KAZN: variants seen among roughly 807,000 people sequenced by gnomAD.
The protein encoded by KAZN is kazrin, periplakin interacting protein, also known as kazrin.
KAZN carries 40 observed loss-of-function variants against 87.4 expected under a neutral mutation model. The observed-to-expected ratio is 0.46, with a 90% confidence interval of 0.36 to 0.60. KAZN has a LOEUF of 0.60. KAZN is among the 20% of genes least tolerant of loss of function. The pLI is 0.00. For synonymous variants in KAZN, 466 were observed against 458.3 expected, an observed-to-expected ratio of 1.02 and a Z score of -0.22; for missense variants, 898 against 1,073.9, an observed-to-expected ratio of 0.84 and a Z score of 2.29.
chr1:14,318,374 T>C (rs1278586854), intron 2 of KAZN, among the ~76,000 whole-genome samples: 1 of 152,094 alleles, frequency 6.6e-6, no homozygotes, highest in East Asian at 1.9e-4. Context: ...AAATATTACT[T>C]CATTTTCTTC....
chr1:14,488,070 T>A lies in KAZN; in HGVS notation c.250-110913T>A, dbSNP rs151213436. ...CACAATATCCTAGCATATTGGATGC[T>A]CAGCAAGTATTCATTAAACTAATAA... is the stretch of plus-strand genomic sequence containing the variant. On this transcript the variant is annotated intron_variant, in intron 2 of 16. Transcript: ENST00000636203. 7.1e-3 allele frequency among the ~76,000 whole-genome samples: 1,081 copies of A among 152,292 alleles called. 9 individuals are homozygous for A. The highest frequency in any genetic ancestry group is 0.033 in the South Asian group (161 of 4,820).
intron 3 of KAZN, among the ~76,000 whole-genome samples, chr1:15,041,153 G>A (rs943497284): frequency 1.3e-5 from 2 of 149,452 alleles, no homozygotes; most frequent in Non-Finnish European, 1.5e-5. Context: ...GTAGAGATGG[G>A]GTTTCACCAT....
intron 1 of KAZN, among the ~76,000 whole-genome samples, chr1:14,780,213 C>A (rs1317802345): frequency 1.3e-5 from 2 of 152,232 alleles, no homozygotes; most frequent in African/African-American, 4.8e-5. Flanking sequence ...CCGATCTTTG[C>A]TCTCTGTGCA....
At chr1:14,559,283 A>G (rs1674106438) in intron 2 of KAZN, among the ~76,000 whole-genome samples, 1 of 152,250 alleles carries the variant, frequency 6.6e-6, no homozygotes, top group Non-Finnish European at 1.5e-5. Context: ...CGGCAAATGC[A>G]TGTTGAATGA....
chr1:14,220,633 C>T (rs1647075621), intron 2 of KAZN, among the ~76,000 whole-genome samples: 1 of 152,148 alleles, frequency 6.6e-6, no homozygotes, highest in South Asian at 2.1e-4. Context: ...CATTCAGGCT[C>T]CAGACCAGTA....
At chr1:14,079,087 C>G (rs889590798) in intron 1 of KAZN, among the ~76,000 whole-genome samples, 1 of 152,204 alleles carries the variant, frequency 6.6e-6, no homozygotes, top group Non-Finnish European at 1.5e-5. Context: ...GTTCATTTGG[C>G]TCACGATTCT....
At chr1:14,341,438 G>A (rs1052227639) in intron 2 of KAZN, among the ~76,000 whole-genome samples, 1 of 152,064 alleles carries the variant, frequency 6.6e-6, no homozygotes, top group Non-Finnish European at 1.5e-5. Context: ...CCCAACGCAC[G>A]CAGTCCTGAC....
chr1:14,581,447 C>T (rs996748510), intron 2 of KAZN, among the ~76,000 whole-genome samples: 9 of 152,160 alleles, frequency 5.9e-5, no homozygotes, highest in African/African-American at 9.7e-5. Flanking sequence ...TTTAAACCAC[C>T]GTGGTACCCT....
intron 2 of KAZN, among the ~76,000 whole-genome samples, chr1:14,460,129 A>ACTGTGT (rs1456586167): frequency 6.6e-6 from 1 of 152,200 alleles, no homozygotes; most frequent in East Asian, 1.9e-4. Context: ...GTCGACTGGC[A>ACTGTGT]CTGTGTCTAT....
chr1:14,857,794 C>T (rs1650304717), intron 1 of KAZN, among the ~76,000 whole-genome samples: 1 of 151,692 alleles, frequency 6.6e-6, no homozygotes, highest in South Asian at 2.1e-4. Flanking sequence ...GGAAGAGTGG[C>T]CCCTTTTTAT....
At chr1:14,240,032 T>G (rs982727687) in intron 2 of KAZN, among the ~76,000 whole-genome samples, 1 of 152,110 alleles carries the variant, frequency 6.6e-6, no homozygotes, top group Non-Finnish European at 1.5e-5. Flanking sequence ...CTACGGAGAT[T>G]TGGGGCAAAG....
At chr1:14,658,090 C>T (rs182138367) in intron 1 of KAZN, among the ~76,000 whole-genome samples, 3 of 152,264 alleles carry the variant, frequency 2.0e-5, no homozygotes, top group Admixed American at 6.5e-5. Context: ...AGTCTTGTAG[C>T]GACCTGTGTG....
intron 2 of KAZN, among the ~76,000 whole-genome samples, chr1:15,014,045 C>T (rs914147452): frequency 1.3e-5 from 2 of 152,076 alleles, no homozygotes; most frequent in Admixed American, 1.3e-4. Context: ...GAGCTCATTC[C>T]GGAGGAGGGT....
intron 1 of KAZN, among the ~76,000 whole-genome samples, chr1:14,901,127 T>C (rs576464530): frequency 6.6e-5 from 10 of 152,122 alleles, no homozygotes; most frequent in Non-Finnish European, 1.3e-4. Context: ...ATCAGTGCTA[T>C]GACAAAAACT....
rs1210972083 is a variant in KAZN, at chr1:15,104,127, T to C, written c.1986T>C (p.Ser662=). 1.7e-5 allele frequency: 28 copies of C among 1,609,534 alleles called. No homozygotes were observed. Among genetic ancestry groups the C allele is most frequent in the Non-Finnish European group, 2.4e-5 (28 of 1,178,286 alleles). Residue 662 remains serine, a synonymous_variant, in exon 13 of 15, where the codon AGT becomes AGC. Transcript: ENST00000376030. The part of the protein sequence containing the change: ...EAMATALGIP[S]GKHILRRHLA... The stretch of plus-strand genomic sequence containing the variant: ...TGGCCACTGCCCTGGGCATCCCCAG[T>C]GGGAAGCACATCCTCCGGAGACACC...
chr1:14,320,215 A>G (rs1274096127), intron 2 of KAZN, among the ~76,000 whole-genome samples: 1 of 152,150 alleles, frequency 6.6e-6, no homozygotes, highest in East Asian at 1.9e-4. Flanking sequence ...GAGGCAGGGA[A>G]GCGCAATATG....
At chr1:14,562,202 C>T (rs1674300424) in intron 2 of KAZN, among the ~76,000 whole-genome samples, 1 of 152,198 alleles carries the variant, frequency 6.6e-6, no homozygotes, top group Non-Finnish European at 1.5e-5. Context: ...CTACTAACTT[C>T]TAATTTGGAA....
intron 2 of KAZN, among the ~76,000 whole-genome samples, chr1:14,247,514 A>G (rs1209229350): frequency 6.6e-6 from 1 of 152,188 alleles, no homozygotes; most frequent in African/African-American, 2.4e-5. Context: ...TAAGAACATG[A>G]GGTGTTCGGT....
In KAZN at chr1:14,137,701, C is replaced by CTTT. The variant is rs35819477; in HGVS notation, c.92-42712_92-42710dup. Reference sequence around the variant, plus strand: ...GAGTAAGCCTACAACAAATATAAGGCTTTTTTTTTTTTTTTTTTTTTTTTG... The same window carrying CTTT: ...GAGTAAGCCTACAACAAATATAAGGCTTTTTTTTTTTTTTTTTTTTTTTTTTTG... On this transcript the variant is annotated intron_variant, in intron 1 of 16. Transcript: ENST00000636203. 2.8e-3 allele frequency among the ~76,000 whole-genome samples: 185 copies of CTTT among 65,044 alleles called. 1 individual carries two copies. The highest frequency in any genetic ancestry group is 3.6e-3 in the African/African-American group (53 of 14,698). 42.7% of individuals were successfully genotyped at this position (65,044 alleles called of 152,430 possible). A position where few individuals can be genotyped will look rare whatever the true frequency, so the allele number is the denominator to read the frequency against.
Sources: allele counts gnomAD v4.1 joint callset (sites outside exome capture counted in the v4.1 genomes callset), GRCh38; gene constraint gnomAD v4.1.1; transcripts MANE v1.5; gene names NCBI Gene and HGNC (gene_info 2026-07-23, HGNC 2026-07-21).